MYO3A: variants seen among roughly 807,000 people sequenced by gnomAD.
The protein encoded by MYO3A is myosin IIIA.
A neutral mutation model predicts 192.7 loss-of-function variants in MYO3A; 180 were observed. The ratio of observed to expected loss-of-function variants is 0.93; its 90% CI spans 0.83 to 1.06. The LOEUF (loss-of-function observed/expected upper bound fraction) is 1.06, where lower values mean the gene tolerates loss of function less well. Among genes scored for constraint, MYO3A ranks in the 50% least tolerant of loss-of-function variants. MYO3A has a pLI of 0.00. For missense variants in MYO3A, 1,896 were observed against 1,905.0 expected (o/e 1.00, Z 0.09); for synonymous variants, 628 against 645.3 (o/e 0.97, Z 0.41).
At chr10:26,113,944 C>T (rs1048240794) in intron 17 of MYO3A, among the ~76,000 whole-genome samples, 3 of 152,170 alleles carry the variant, frequency 2.0e-5, no homozygotes, top group African/African-American at 4.8e-5. Flanking sequence ...TAAGTGTCTG[C>T]AGAATTGAAC....
rs909269629 is a variant in MYO3A at position 25,984,961 on chromosome 10, G to A, written c.304-11529G>A. ...TACTACATCAAAAAGTCTGAGGCCG[G>A]GCTTGCTGGCTCATTCCTGTAATCC... On this transcript the variant is annotated intron_variant, in intron 4 of 34. Coordinates refer to ENST00000642920, the MANE Select transcript of MYO3A (RefSeq NM_017433.5). Among the ~76,000 whole-genome samples the A allele has an allele frequency of 2.6e-5, 4 of 152,222 alleles. No individual in the cohort carries two copies. The East Asian group carries it at 5.8e-4, about 22-fold the overall frequency.
chr10:26,063,154 A>T (rs1834614323), intron 10 of MYO3A, among the ~76,000 whole-genome samples: 1 of 152,116 alleles, frequency 6.6e-6, no homozygotes, highest in Non-Finnish European at 1.5e-5. Flanking sequence ...GCAACACTGG[A>T]GCTGAAGAGA....
At chr10:26,144,989 A>G (rs900323430) in intron 21 of MYO3A, among the ~76,000 whole-genome samples, 1 of 152,192 alleles carries the variant, frequency 6.6e-6, no homozygotes, top group Non-Finnish European at 1.5e-5. Context: ...CAGCCTGGCC[A>G]ACATGGCAAA....
chr10:26,061,452 T>C (rs61849337), intron 10 of MYO3A, among the ~76,000 whole-genome samples: 71,620 of 151,718 alleles, frequency 0.47, 17,731 homozygotes, highest in Middle Eastern at 0.59. Context: ...AGAATTTTGC[T>C]GAGCATGGAA....
At chr10:26,014,928 G>A (rs1424769901) in intron 6 of MYO3A, among the ~76,000 whole-genome samples, 1 of 152,104 alleles carries the variant, frequency 6.6e-6, no homozygotes, top group African/African-American at 2.4e-5. Context: ...TGATGTTTCT[G>A]CTGTCTTTCT....
intron 4 of MYO3A, among the ~76,000 whole-genome samples, chr10:25,967,438 G>A (rs7087961): frequency 0.012 from 1,784 of 152,294 alleles, 41 homozygotes; most frequent in African/African-American, 0.038. Context: ...AGAGCTACCT[G>A]AAAAGTTCAA....
At chr10:26,133,758 T>G (rs1839690027) in intron 20 of MYO3A, among the ~76,000 whole-genome samples, 1 of 152,190 alleles carries the variant, frequency 6.6e-6, no homozygotes, top group South Asian at 2.1e-4. Context: ...CATACCTGGC[T>G]AAATTTTCAG....
intron 8 of MYO3A, chr10:26,021,922 C>T (rs1178707843): frequency 4.6e-6 from 2 of 437,090 alleles, no homozygotes; most frequent in African/African-American, 2.0e-5. Context: ...TCCTCCCACC[C>T]TTTATCCATT....
chr10:26,129,907 G>T (rs1009304344), intron 20 of MYO3A, among the ~76,000 whole-genome samples: 4 of 152,136 alleles, frequency 2.6e-5, no homozygotes, highest in Non-Finnish European at 5.9e-5. Flanking sequence ...TGAACTTTTT[G>T]ATATGATCTA....
intron 6 of MYO3A, among the ~76,000 whole-genome samples, chr10:26,005,656 C>A (rs561317437): frequency 6.6e-6 from 1 of 151,986 alleles, no homozygotes; most frequent in Non-Finnish European, 1.5e-5. Context: ...TTCTTGCCAA[C>A]TTTTCTCTAA....
chr10:25,947,172 C>G (rs1836895316), intron 2 of MYO3A, among the ~76,000 whole-genome samples: 1 of 151,860 alleles, frequency 6.6e-6, no homozygotes, highest in South Asian at 2.1e-4. Context: ...AGTTCACTGA[C>G]ATTTTCTTCT....
intron 26 of MYO3A, 93 bp downstream of exon 26, chr10:26,157,608 A>G (rs1841221419): frequency 2.3e-6 from 3 of 1,332,796 alleles, no homozygotes; most frequent in Admixed American, 1.9e-5. Context: ...AAATCTTTAG[A>G]GGTCTAGGAG....
At chr10:26,005,243 T>C (rs760245480) in intron 6 of MYO3A, among the ~76,000 whole-genome samples, 32 of 151,842 alleles carry the variant, frequency 2.1e-4, no homozygotes, top group Admixed American at 4.6e-4. Context: ...CTGCCAAAAA[T>C]AAAATCGTGA....
At chr10:25,966,584 A>C (rs977186007) in intron 4 of MYO3A, among the ~76,000 whole-genome samples, 1 of 152,222 alleles carries the variant, frequency 6.6e-6, no homozygotes, top group African/African-American at 2.4e-5. Flanking sequence ...AAACAAAAAA[A>C]AACTGAACAG....
chr10:26,196,984 G>A (rs1288504857), intron 32 of MYO3A, among the ~76,000 whole-genome samples: 2 of 152,194 alleles, frequency 1.3e-5, no homozygotes, highest in Non-Finnish European at 2.9e-5. Context: ...ATACAATAGA[G>A]TACTGTGAAC....
intron 4 of MYO3A, among the ~76,000 whole-genome samples, chr10:25,970,420 A>C (rs953964655): frequency 9.9e-5 from 15 of 152,064 alleles, no homozygotes; most frequent in African/African-American, 3.6e-4. Context: ...AACATATCAA[A>C]TGTGTAGAAT....
intron 31 of MYO3A, among the ~76,000 whole-genome samples, chr10:26,189,284 C>G (rs1295031343): frequency 6.6e-6 from 1 of 152,158 alleles, no homozygotes; most frequent in Admixed American, 6.5e-5. Flanking sequence ...AATTACCTCG[C>G]TAAAGACCCT....
chr10:25,952,981 G>C (rs1263353864), intron 3 of MYO3A, among the ~76,000 whole-genome samples: 1 of 151,448 alleles, frequency 6.6e-6, no homozygotes. Context: ...CTGGTAATGA[G>C]AGCTGGCAGT....
intron 20 of MYO3A, among the ~76,000 whole-genome samples, chr10:26,135,174 C>T (rs1210295716): frequency 1.3e-5 from 2 of 152,110 alleles, no homozygotes; most frequent in African/African-American, 2.4e-5. Context: ...GACAGCTATC[C>T]ATGGTTTTTC....
Sources: allele counts gnomAD v4.1 joint callset (sites outside exome capture counted in the v4.1 genomes callset), GRCh38; gene constraint gnomAD v4.1.1; transcripts MANE v1.5; gene names NCBI Gene and HGNC (gene_info 2026-07-23, HGNC 2026-07-21).